RHOT1: variants seen among roughly 807,000 people sequenced by gnomAD.
The protein encoded by RHOT1 is mitochondrial Rho GTPase 1.
A neutral mutation model predicts 95.3 loss-of-function variants in RHOT1; 27 were observed. The ratio of observed to expected loss-of-function variants is 0.28; its 90% CI spans 0.21 to 0.39. The LOEUF (loss-of-function observed/expected upper bound fraction) is 0.39. RHOT1 is among the 10% of genes least tolerant of loss of function. The probability of loss-of-function intolerance (pLI) is 1.00; values close to 1 mark genes in which losing one functional copy is unlikely to be tolerated. For synonymous variants in RHOT1, 227 were observed against 263.5 expected (o/e 0.86, Z 1.34); for missense variants, 578 against 786.7 (o/e 0.73, Z 3.17).
chr17:32,195,847 T>A (rs1350328171), intron 11 of RHOT1, among the ~76,000 whole-genome samples: 1 of 152,198 alleles, frequency 6.6e-6, no homozygotes, highest in Non-Finnish European at 1.5e-5. Context: ...GAATTTGTTA[T>A]AGGACTCTCT....
chr17:32,210,441 A>G (rs1398826945), intron 18 of RHOT1, among the ~76,000 whole-genome samples: 2 of 152,164 alleles, frequency 1.3e-5, no homozygotes, highest in Admixed American at 1.3e-4. Flanking sequence ...TTGATTTTAC[A>G]TCCTTACCCA....
At chr17:32,185,704 G>A (rs895563852) in intron 8 of RHOT1, among the ~76,000 whole-genome samples, 3 of 149,350 alleles carry the variant, frequency 2.0e-5, no homozygotes, top group Non-Finnish European at 3.0e-5. Flanking sequence ...CGCCATGCCC[G>A]GCCTCTTTTT....
intron 1 of RHOT1, among the ~76,000 whole-genome samples, chr17:32,163,590 C>T (rs754645763): frequency 2.0e-5 from 3 of 151,666 alleles, no homozygotes; most frequent in East Asian, 2.0e-4. Flanking sequence ...AATTAGCCAG[C>T]GTGATGGTGC....
intron 17 of RHOT1, 64 bp from the exon 18 acceptor site, chr17:32,208,043 C>T: frequency 7.0e-7 from 1 of 1,437,814 alleles, no homozygotes; most frequent in Non-Finnish European, 9.7e-7. Flanking sequence ...GCTTGGTTCA[C>T]ATTTAATTAA....
chr17:32,196,344 A>G (rs1340920601), intron 11 of RHOT1, among the ~76,000 whole-genome samples: 1 of 152,084 alleles, frequency 6.6e-6, no homozygotes, highest in Non-Finnish European at 1.5e-5. Context: ...GCACATGGCC[A>G]CCATTCCCAG....
At chr17:32,188,009 T>G (rs2036185852) in intron 8 of RHOT1, among the ~76,000 whole-genome samples, 1 of 152,256 alleles carries the variant, frequency 6.6e-6, no homozygotes, top group South Asian at 2.1e-4. Context: ...TATCTGTGGC[T>G]GTTTGTGTGC....
chr17:32,202,829 T>G lies in RHOT1; in HGVS notation c.1261T>G (p.Cys421Gly). The G allele has an allele frequency of 6.2e-7, 1 of 1,611,878 alleles. No individual in the cohort carries two copies. The highest frequency in any genetic ancestry group is 1.1e-5 in the South Asian group (1 of 90,928). The change falls in exon 15 of 20, where the codon TGT becomes GGT. Residue 421 changes from cysteine (C) to glycine (G), a missense_variant. Transcript: ENST00000545287. The stretch of plus-strand genomic sequence containing the variant: ...ACAAACTCAAAGAAATGTGTTCAGA[T>G]GTAATGTAATTGGAGTGAAAAACTG... ...KKQTQRNVFR[C>G]NVIGVKNCGK...
At chr17:32,202,283 C>G (rs2037382326) in intron 14 of RHOT1, among the ~76,000 whole-genome samples, 1 of 152,156 alleles carries the variant, frequency 6.6e-6, no homozygotes, top group Non-Finnish European at 1.5e-5. Context: ...TGGCATGCCT[C>G]TTTTACAGTT....
rs193291398 is a variant in RHOT1 at position 32,178,212 on chromosome 17, C to G, written c.329+1999C>G. Among the ~76,000 whole-genome samples the G allele has an allele frequency of 3.9e-3, 584 of 149,854 alleles. 10 individuals are homozygous for G. The highest frequency in any genetic ancestry group is 0.012 in the East Asian group (59 of 5,010). On this transcript the variant is annotated intron_variant, in intron 6 of 19. Transcript: ENST00000545287. ...GAAATAATAAATGCCCTCCCCCCCCCCAGTGATCTCCCTCTCTTGCCGAGT... is the reference window on the plus strand; with the variant it reads ...GAAATAATAAATGCCCTCCCCCCCCGCAGTGATCTCCCTCTCTTGCCGAGT...
intron 11 of RHOT1, among the ~76,000 whole-genome samples, chr17:32,197,189 G>A (rs1250185438): frequency 6.6e-6 from 1 of 151,932 alleles, no homozygotes; most frequent in Non-Finnish European, 1.5e-5. Context: ...TTAGAAGTGG[G>A]GAGCCTGTCT....
intron 18 of RHOT1, chr17:32,209,384 A>G: frequency 2.5e-6 from 4 of 1,611,622 alleles, no homozygotes; most frequent in Non-Finnish European, 3.4e-6. Context: ...CTCCCGAGAC[A>G]TGGGCCACAC....
At chr17:32,210,436 T>G (rs1329684926) in intron 18 of RHOT1, among the ~76,000 whole-genome samples, 5 of 152,224 alleles carry the variant, frequency 3.3e-5, no homozygotes, top group Admixed American at 3.3e-4. Context: ...CATTGTTGAT[T>G]TTACATCCTT....
At chr17:32,221,627 G>A (rs1699419379) in intron 19 of RHOT1, among the ~76,000 whole-genome samples, 1 of 152,156 alleles carries the variant, frequency 6.6e-6, no homozygotes, top group South Asian at 2.1e-4. Context: ...AGTTCTGTAA[G>A]TAACTTTCCA....
intron 17 of RHOT1, 33 bp from the exon 18 acceptor site, chr17:32,208,074 T>TA: frequency 6.4e-7 from 1 of 1,574,044 alleles, no homozygotes; most frequent in African/African-American, 1.3e-5. Context: ...TTGAACTTGT[T>TA]ATCAGATTTT....
At chr17:32,149,621 A>ATGTGTGTGTGTGTGTG (rs1469506893) in intron 1 of RHOT1, among the ~76,000 whole-genome samples, 8 of 84,386 alleles carry the variant, frequency 9.5e-5, no homozygotes, top group African/African-American at 4.2e-4. Context: ...ATATATATAT[A>ATGTGTGTGTGTGTGTG]TATATATATA....
At chr17:32,181,296 G>A (rs574882484) in intron 6 of RHOT1, among the ~76,000 whole-genome samples, 9 of 151,982 alleles carry the variant, frequency 5.9e-5, no homozygotes, top group African/African-American at 1.7e-4. Flanking sequence ...CTGCCTACTC[G>A]CTGCCAAAAA....
At chr17:32,179,565 G>A (rs182592587) in intron 6 of RHOT1, 1,959 of 121,390 alleles carry the variant, frequency 0.016, 70 homozygotes, top group African/African-American at 0.059. Flanking sequence ...GCCGCCCATC[G>A]TCTGGGAAGT....
At chr17:32,219,542 T>C (rs556829490) in intron 19 of RHOT1, among the ~76,000 whole-genome samples, 2 of 152,350 alleles carry the variant, frequency 1.3e-5, no homozygotes, top group African/African-American at 4.8e-5. Context: ...AGTCTGCATA[T>C]GCCTTGTGTG....
At chr17:32,155,357 TCA>T (rs1348765488) in intron 1 of RHOT1, among the ~76,000 whole-genome samples, 1 of 151,894 alleles carries the variant, frequency 6.6e-6, no homozygotes, top group Admixed American at 6.6e-5. Flanking sequence ...AGACAGGGTT[TCA>T]CCATGTTAAC....
Sources: gnomAD v4.1 joint callset for allele counts (sites outside exome capture counted in the v4.1 genomes callset) on GRCh38, gnomAD v4.1.1 for gene constraint, MANE v1.5 for transcripts, NCBI Gene and HGNC (gene_info 2026-07-23, HGNC 2026-07-21) for gene names.